FGF8: variants seen among roughly 807,000 people sequenced by gnomAD.
FGF8 encodes fibroblast growth factor 8, also known as androgen-induced growth factor.
A neutral mutation model predicts 29.7 loss-of-function variants in FGF8; 12 were observed. The observed-to-expected ratio is 0.40, with a 90% confidence interval of 0.26 to 0.65. The LOEUF is 0.65. Ranked by LOEUF, FGF8 falls within the 30% of genes least tolerant of loss-of-function variation. The pLI, the probability that FGF8 is intolerant of heterozygous loss-of-function variation, is 0.37. For synonymous variants in FGF8, 157 were observed against 144.4 expected (o/e 1.09, Z -0.63); for missense variants, 271 against 345.1 (o/e 0.79, Z 1.70).
intron 4 of FGF8, 54 bp downstream of exon 4, chr10:101,774,678 G>C: frequency 1.3e-6 from 2 of 1,499,332 alleles, no homozygotes; most frequent in Admixed American, 1.7e-5. Context: ...AGTGCAGTTG[G>C]GACTGGTGGT....
At position 101,776,100 on chromosome 10, in the gene FGF8, C is replaced by A. The variant is rs1296363074; in HGVS notation, c.-200G>T. On this transcript the variant is annotated 5_prime_UTR_variant, in exon 1 of 6. Transcript: ENST00000320185. ...AATCGCTGTGCGCCGCTGCCGGAGC[C>A]GGTGGCCGCTGGCTGCTCGGGAGCC... is the stretch of plus-strand genomic sequence containing the variant. The A allele has an allele frequency of 1.7e-5, 3 of 177,730 alleles. No individual in the cohort carries two copies. The highest frequency in any genetic ancestry group is 3.3e-5 in the Non-Finnish European group (3 of 91,832). The allele number at this position is 177,730 out of a possible 1,614,324, so 11.0% of individuals were successfully genotyped here. A position where few individuals can be genotyped will look rare whatever the true frequency, so the allele number is the denominator to read the frequency against.
At chr10:101,773,738 G>A (rs1399852602) in intron 4 of FGF8, among the ~76,000 whole-genome samples, 1 of 152,150 alleles carries the variant, frequency 6.6e-6, no homozygotes, top group African/African-American at 2.4e-5. Flanking sequence ...TGTTAAAAAA[G>A]GTGAAAGTAA....
chr10:101,770,141 T>TAAAAAAAAAAAA lies in FGF8; in HGVS notation c.*176_*187dup. The TAAAAAAAAAAAA allele has an allele frequency of 2.5e-6, 1 of 392,436 alleles. No homozygotes were observed. The highest frequency in any genetic ancestry group is 5.3e-5 in the South Asian group (1 of 18,836). The allele number at this position is 392,436 out of a possible 1,614,324, so 24.3% of individuals were successfully genotyped here. On this transcript the variant is annotated 3_prime_UTR_variant, in exon 6 of 6. Transcript: ENST00000320185. ...CAAAAATAGAGCCTCTCTTTTGTTT[T>TAAAAAAAAAAAA]AAAAAAAAAAAAAAAAAAAAAAACA...
At position 101,771,380 on chromosome 10, in the gene FGF8, G is replaced by T. The variant is rs1357336382; in HGVS notation, c.444+83C>A. The T allele has an allele frequency of 1.9e-6, 2 of 1,030,360 alleles. No homozygotes were observed. Among genetic ancestry groups the T allele is most frequent in the Non-Finnish European group, 3.1e-6 (2 of 652,560 alleles). 63.8% of individuals were successfully genotyped at this position (1,030,360 alleles called of 1,614,324 possible). A position where few individuals can be genotyped will look rare whatever the true frequency, so the allele number is the denominator to read the frequency against. On this transcript the variant is annotated intron_variant, in intron 5 of 5. Transcript: ENST00000320185. This position sits in a 1 kb window ranked among gnomAD's most constrained non-coding sequence, Gnocchi z 5.3. ...TTCTGCCTACCTTGTTGGGATCAGA[G>T]CCCAGGACTGTCTTGGAGGAGTCCA...
Position 101,775,952 on chromosome 10 carries a change from G to A in FGF8, c.-52C>T. 1.3e-5 allele frequency: 15 copies of A among 1,147,064 alleles called. No individual in the cohort carries two copies. The highest frequency in any genetic ancestry group is 1.6e-5 in the Non-Finnish European group (15 of 931,240). 71.1% of individuals were successfully genotyped at this position (1,147,064 alleles called of 1,614,324 possible). A position where few individuals can be genotyped will look rare whatever the true frequency, so the allele number is the denominator to read the frequency against. ...CCCGGCGGGTCACGCCGTCCCGCGG[G>A]CCGCCGCGGGAGGACGCGCTGAGCA... On this transcript the variant is annotated 5_prime_UTR_variant, in exon 1 of 6. Coordinates refer to ENST00000320185, the MANE Select transcript of FGF8 (RefSeq NM_033163.5). This position sits in a 1 kb window ranked among gnomAD's most constrained non-coding sequence, Gnocchi z 4.6.
At chr10:101,776,219 G>A (rs1334236729), upstream of FGF8, 8 of 126,478 alleles carry the variant, frequency 6.3e-5, no homozygotes, top group East Asian at 2.4e-4. Context: ...CGGGCGCGAG[G>A]GGGGAGCGCG....
Position 101,771,423 on chromosome 10 carries a change from C to A in FGF8, c.444+40G>T, listed in dbSNP as rs1327912668. On this transcript the variant is annotated intron_variant, in intron 5 of 5. Coordinates refer to ENST00000320185, the MANE Select transcript of FGF8 (RefSeq NM_033163.5). The surrounding 1 kb of genome is among the most constrained non-coding windows in gnomAD (Gnocchi z 5.3). ...GGAGTCCAGCCAGCCCAAGCCACTC[C>A]CTAGGTCCCGCGGACCCCACCTGCC... 4 of 1,508,350 alleles carry A rather than the reference C, an allele frequency of 2.7e-6. No individual in the cohort carries two copies. The highest frequency in any genetic ancestry group is 3.7e-6 in the Non-Finnish European group (4 of 1,083,922). The allele number at this position is 1,508,350 out of a possible 1,614,324, so 93.4% of individuals were successfully genotyped here.
chr10:101,777,363 C>A (rs2065107676), upstream of FGF8, among the ~76,000 whole-genome samples: 1 of 152,192 alleles, frequency 6.6e-6, no homozygotes. Flanking sequence ...AGTGACCCTC[C>A]ATTCCCCTGG....
chr10:101,771,603 G>A lies in FGF8; in HGVS notation c.338-34C>T, dbSNP rs375618432. 2 of 1,550,852 alleles carry A rather than the reference G, an allele frequency of 1.3e-6. No individual in the cohort carries two copies. The highest frequency in any genetic ancestry group is 1.8e-6 in the Non-Finnish European group (2 of 1,123,000). On this transcript the variant is annotated intron_variant, in intron 4 of 5. Coordinates refer to ENST00000320185, the MANE Select transcript of FGF8 (RefSeq NM_033163.5). This position sits in a 1 kb window ranked among gnomAD's most constrained non-coding sequence, Gnocchi z 5.3. ...GAAGGTAGCAGGATGGCTATTGGCA[G>A]ATCCCTGACCCCAGCTGGCCCACAC... is the stretch of plus-strand genomic sequence containing the variant.
chr10:101,779,166 C>A (rs943378100), upstream of FGF8, among the ~76,000 whole-genome samples: 7 of 152,220 alleles, frequency 4.6e-5, no homozygotes, highest in Admixed American at 1.3e-4. This position sits in a 1 kb window ranked among gnomAD's most constrained non-coding sequence, Gnocchi z 5.7. Flanking sequence ...ATCCCCCGGC[C>A]CCTCCAATCC....
upstream of FGF8, among the ~76,000 whole-genome samples, chr10:101,779,324 G>A (rs1235516437): frequency 6.6e-6 from 1 of 152,214 alleles, no homozygotes; most frequent in Non-Finnish European, 1.5e-5. The surrounding 1 kb of genome is among the most constrained non-coding windows in gnomAD (Gnocchi z 5.7). Context: ...GTCTCCCTCG[G>A]CCCCCAAATA....
chr10:101,770,302 G>A lies in FGF8; in HGVS notation c.*27C>T, dbSNP rs749666779. On this transcript the variant is annotated 3_prime_UTR_variant, in exon 6 of 6. Coordinates refer to ENST00000320185, the MANE Select transcript of FGF8 (RefSeq NM_033163.5). ...TACAGGATGAGCCTCTCTGCGGTCT[G>A]GCATTGTGGGGAGGGCCAGGCAGCA... The A allele has an allele frequency of 1.3e-6, 2 of 1,568,772 alleles. No individual in the cohort carries two copies. The highest frequency in any genetic ancestry group is 8.6e-7 in the Non-Finnish European group (1 of 1,156,934).
chr10:101,779,071 C>A (rs939924289), upstream of FGF8, among the ~76,000 whole-genome samples: 1 of 152,100 alleles, frequency 6.6e-6, no homozygotes, highest in South Asian at 2.1e-4. This position sits in a 1 kb window ranked among gnomAD's most constrained non-coding sequence, Gnocchi z 5.7. Flanking sequence ...CCAACACAAA[C>A]GGCCCATCTC....
upstream of FGF8, among the ~76,000 whole-genome samples, chr10:101,777,126 G>GCTTATTCT (rs2065105349): frequency 1.3e-5 from 2 of 152,164 alleles, no homozygotes; most frequent in Non-Finnish European, 2.9e-5. Context: ...TCTAGGCAGG[G>GCTTATTCT]GCTGGTCAGC....
Position 101,775,959 on chromosome 10 carries a change from CG to C in FGF8, c.-60del, listed in dbSNP as rs1253588564. The C allele has an allele frequency of 6.3e-6, 7 of 1,116,572 alleles. No homozygotes were observed. The highest frequency in any genetic ancestry group is 7.7e-6 in the Non-Finnish European group (7 of 906,608). The allele number at this position is 1,116,572 out of a possible 1,614,324, so 69.2% of individuals were successfully genotyped here. On this transcript the variant is annotated 5_prime_UTR_variant, in exon 1 of 6. Coordinates refer to ENST00000320185, the MANE Select transcript of FGF8 (RefSeq NM_033163.5). This position sits in a 1 kb window ranked among gnomAD's most constrained non-coding sequence, Gnocchi z 4.6. ...GGTCACGCCGTCCCGCGGGCCGCCGCGGGAGGACGCGCTGAGCAGGGCGCGA... is the reference window on the plus strand; with the variant it reads ...GGTCACGCCGTCCCGCGGGCCGCCGCGGAGGACGCGCTGAGCAGGGCGCGA...
Position 101,775,030 on chromosome 10 carries a change from G to A in FGF8, c.156+100C>T, listed in dbSNP as rs1384046498. 1 of 1,508,594 alleles carries A rather than the reference G, an allele frequency of 6.6e-7. No individual in the cohort carries two copies. 93.5% of individuals were successfully genotyped at this position (1,508,594 alleles called of 1,614,324 possible). A position where few individuals can be genotyped will look rare whatever the true frequency, so the allele number is the denominator to read the frequency against. On this transcript the variant is annotated intron_variant, in intron 3 of 5. Coordinates refer to ENST00000320185, the MANE Select transcript of FGF8 (RefSeq NM_033163.5). The surrounding 1 kb of genome is among the most constrained non-coding windows in gnomAD (Gnocchi z 4.6). Reference sequence around the variant, plus strand: ...CCCCAAGCCGCCAGCAGGTGCTGGGGGTTCCCCCAACATGCCAGCCCAGGC... The same window carrying A: ...CCCCAAGCCGCCAGCAGGTGCTGGGAGTTCCCCCAACATGCCAGCCCAGGC...
chr10:101,777,456 GGCCCTGCCTCCCTCCCT>G (rs2065108429), upstream of FGF8, among the ~76,000 whole-genome samples: 1 of 152,224 alleles, frequency 6.6e-6, no homozygotes, highest in South Asian at 2.1e-4. Flanking sequence ...AGCACAGCCA[GGCCCTGCCTCCCTCCCT>G]GCTCTGTGTC....
rs1263289187 is a variant in FGF8 at position 101,775,457 on chromosome 10, G to A, written c.70-241C>T. The A allele has an allele frequency of 6.6e-6, 4 of 603,914 alleles. No homozygotes were observed. In the East Asian group the frequency reaches 1.1e-4, roughly 17 times the overall value. 37.4% of individuals were successfully genotyped at this position (603,914 alleles called of 1,614,324 possible). The stretch of plus-strand genomic sequence containing the variant: ...CGGCTGCCCCCTTCCTCGGCGGCTG[G>A]GTGTTCCCTATGCCCCCAGCCGGCG... On this transcript the variant is annotated intron_variant, in intron 2 of 5. Transcript: ENST00000320185. The surrounding 1 kb of genome is among the most constrained non-coding windows in gnomAD (Gnocchi z 4.6).
At position 101,772,129 on chromosome 10, in the gene FGF8, C is replaced by T. The variant is rs1037709692; in HGVS notation, c.338-560G>A. On this transcript the variant is annotated intron_variant, in intron 4 of 5. Coordinates refer to ENST00000320185, the MANE Select transcript of FGF8 (RefSeq NM_033163.5). The surrounding 1 kb of genome is among the most constrained non-coding windows in gnomAD (Gnocchi z 4.4). ...GCCACCCCCAGCCCCTCAACATCACCAGGCTCTGCTCTGCTGAGAAGGTGC... is the reference window on the plus strand; with the variant it reads ...GCCACCCCCAGCCCCTCAACATCACTAGGCTCTGCTCTGCTGAGAAGGTGC... Among the ~76,000 whole-genome samples the T allele has an allele frequency of 1.3e-5, 2 of 152,238 alleles. No homozygotes were observed. The highest frequency in any genetic ancestry group is 4.8e-5 in the African/African-American group (2 of 41,470).
Sources: allele counts gnomAD v4.1 joint callset (sites outside exome capture counted in the v4.1 genomes callset), GRCh38; gene constraint gnomAD v4.1.1; non-coding constraint Gnocchi (gnomAD v3.1); transcripts MANE v1.5; gene names NCBI Gene and HGNC (gene_info 2026-07-23, HGNC 2026-07-21).